Variants in GALNT3 observed in about 807,000 individuals in gnomAD.
The protein encoded by GALNT3 is GalNAc transferase 3.
Under a neutral mutation model 69.8 loss-of-function variants are expected in GALNT3, and 51 were observed. That is an observed-to-expected ratio of 0.73 (90% CI 0.58 to 0.92). The LOEUF is 0.92. Among genes scored for constraint, GALNT3 ranks in the 40% least tolerant of loss-of-function variants. The pLI is 0.00. For missense variants in GALNT3, 711 were observed against 760.0 expected (o/e 0.94, Z 0.76); for synonymous variants, 265 against 248.5 (o/e 1.07, Z -0.63).
intron 1 of GALNT3, among the ~76,000 whole-genome samples, chr2:165,772,609 AG>A (rs1688772949): frequency 1.3e-5 from 2 of 148,646 alleles, no homozygotes; most frequent in African/African-American, 4.9e-5. Flanking sequence ...AAAAAAAAAA[AG>A]GGAAAACAAT....
chr2:165,783,176 G>A (rs919578120), intron 1 of GALNT3, among the ~76,000 whole-genome samples: 1 of 152,146 alleles, frequency 6.6e-6, no homozygotes, highest in African/African-American at 2.4e-5. Flanking sequence ...CTACAAAGGA[G>A]AGCAGGCACA....
At chr2:165,766,222 GA>G in intron 2 of GALNT3, among the ~76,000 whole-genome samples, 1 of 152,262 alleles carries the variant, frequency 6.6e-6, no homozygotes, top group Non-Finnish European at 1.5e-5. Context: ...AAAATACGTA[GA>G]AATAAAGATC....
At chr2:165,773,217 G>A (rs982046840) in intron 1 of GALNT3, among the ~76,000 whole-genome samples, 1 of 152,134 alleles carries the variant, frequency 6.6e-6, no homozygotes, top group Non-Finnish European at 1.5e-5. Context: ...AATGAATCAT[G>A]GGGGTGGTTT....
At chr2:165,762,147 C>G in intron 3 of GALNT3, 93 bp from the exon 4 acceptor site, 1 of 951,582 alleles carries the variant, frequency 1.1e-6, no homozygotes, top group East Asian at 2.5e-5. Flanking sequence ...AATGATCCTT[C>G]CAAATTCATA....
At chr2:165,750,279 T>G (rs1688336013) in intron 9 of GALNT3, among the ~76,000 whole-genome samples, 1 of 152,158 alleles carries the variant, frequency 6.6e-6, no homozygotes, top group African/African-American at 2.4e-5. Flanking sequence ...TTCACTAAAC[T>G]AGGGACTTCA....
rs1159208891 is a variant in GALNT3, at chr2:165,757,126, C to T, written c.1313G>A (p.Arg438His). 7.4e-6 allele frequency: 12 copies of T among 1,613,948 alleles called. No individual in the cohort carries two copies. The highest frequency in any genetic ancestry group is 1.7e-5 in the Admixed American group (1 of 59,996). Reference protein sequence around the residue: ...GTQVIARNQVRLAEVWMDEYK... With the variant: ...GTQVIARNQVHLAEVWMDEYK... ...TTCATCCATCCAGACTTCTGCAAGG[C>T]GAACTTGGTTTCTAGCAATCACCTG... The change falls in exon 7 of 11, where the codon CGC becomes CAC. Residue 438 changes from arginine (R) to histidine (H), a missense_variant. Coordinates refer to ENST00000392701, the MANE Select transcript of GALNT3 (RefSeq NM_004482.4).
At chr2:165,788,466 G>GGGGTGTGTGT (rs1553496967) in intron 1 of GALNT3, among the ~76,000 whole-genome samples, 3 of 139,602 alleles carry the variant, frequency 2.1e-5, no homozygotes, top group African/African-American at 8.0e-5. Context: ...AATCCAAAAG[G>GGGGTGTGTGT]GTGTGTGTGT....
At chr2:165,772,754 G>T (rs1484593959) in intron 1 of GALNT3, among the ~76,000 whole-genome samples, 1 of 152,088 alleles carries the variant, frequency 6.6e-6, no homozygotes. Context: ...AACCATAAAA[G>T]CAAGAAAAGG....
chr2:165,776,766 C>T (rs1427594563), intron 1 of GALNT3, among the ~76,000 whole-genome samples: 1 of 152,090 alleles, frequency 6.6e-6, no homozygotes, highest in African/African-American at 2.4e-5. Flanking sequence ...ATGTTAAAAT[C>T]AATGGATTAT....
intron 1 of GALNT3, among the ~76,000 whole-genome samples, chr2:165,780,311 C>G (rs1026254329): frequency 2.0e-5 from 3 of 152,184 alleles, no homozygotes; most frequent in Non-Finnish European, 4.4e-5. Flanking sequence ...CTTTCAGGGT[C>G]TTTTCATTTT....
chr2:165,769,334 A>T (rs1212316469), intron 2 of GALNT3, among the ~76,000 whole-genome samples: 1 of 147,214 alleles, frequency 6.8e-6, no homozygotes, highest in East Asian at 2.0e-4. Flanking sequence ...TGAACCCAGG[A>T]GGCAGAGGTT....
intron 1 of GALNT3, chr2:165,793,805 T>TC (rs1274841649): frequency 4.6e-5 from 7 of 152,316 alleles, no homozygotes; most frequent in African/African-American, 7.3e-5. Context: ...GTGACCGGGC[T>TC]CCCCCCCGAG....
intron 1 of GALNT3, among the ~76,000 whole-genome samples, chr2:165,774,027 T>G (rs1350937849): frequency 6.6e-6 from 1 of 152,128 alleles, no homozygotes; most frequent in African/African-American, 2.4e-5. Context: ...GGCTTAGGAT[T>G]CAGGGCACTT....
rs1358434829 is a variant in GALNT3, at chr2:165,757,265, T to C, written c.1192-18A>G. The C allele has an allele frequency of 6.2e-7, 1 of 1,609,016 alleles. No individual in the cohort carries two copies. The highest frequency in any genetic ancestry group is 1.1e-5 in the South Asian group (1 of 90,932). On this transcript the variant is annotated intron_variant, in intron 6 of 10. Coordinates refer to ENST00000392701, the MANE Select transcript of GALNT3 (RefSeq NM_004482.4). ...TGCCATACCTGATAATTAATGATAT[T>C]TGTTTAAATTTACAGTATTTTAGAA...
chr2:165,755,195 C>T (rs1688425173), intron 7 of GALNT3, 132 bp from the exon 8 acceptor site: 3 of 828,476 alleles, frequency 3.6e-6, no homozygotes, highest in Non-Finnish European at 5.9e-6. Context: ...GGCAATTCAA[C>T]AGCCTTCATC....
chr2:165,781,217 C>T (rs567344318), intron 1 of GALNT3, among the ~76,000 whole-genome samples: 1 of 152,218 alleles, frequency 6.6e-6, no homozygotes, highest in Admixed American at 6.5e-5. Flanking sequence ...CTACTTTGAT[C>T]ATCATTAAAA....
In GALNT3 at chr2:165,762,009, A is replaced by G. The variant is rs766704216; in HGVS notation, c.734T>C (p.Ile245Thr). The change falls in exon 4 of 11, where the codon ATA (isoleucine) becomes ACA (threonine). Residue 245 changes from isoleucine (I) to threonine (T), a missense_variant. Ile to Thr is a moderately conservative substitution (Grantham distance 89). Coordinates refer to ENST00000392701, the MANE Select transcript of GALNT3 (RefSeq NM_004482.4). ...KLDEYVKQFSIVKIVRQRERK... is the reference protein window; with the variant it reads ...KLDEYVKQFSTVKIVRQRERK... ...TTCTCTTTGTCTGACTATTTTTACT[A>G]TAGAAAATTGTTTTACATATTCATC... 7.5e-6 allele frequency: 12 copies of G among 1,603,602 alleles called. No individual in the cohort carries two copies. The highest frequency in any genetic ancestry group is 9.4e-6 in the Non-Finnish European group (11 of 1,170,550).
intron 1 of GALNT3, among the ~76,000 whole-genome samples, chr2:165,790,667 G>C (rs936684585): frequency 6.6e-6 from 1 of 151,408 alleles, no homozygotes; most frequent in Non-Finnish European, 1.5e-5. Context: ...GAATGTAAAG[G>C]CAGGTTAAAA....
At chr2:165,789,495 G>A (rs1683297403) in intron 1 of GALNT3, among the ~76,000 whole-genome samples, 1 of 152,170 alleles carries the variant, frequency 6.6e-6, no homozygotes, top group African/African-American at 2.4e-5. Context: ...AAGAAAAAGA[G>A]TTTAAAATTA....
Sources: gnomAD v4.1 joint callset for allele counts (sites outside exome capture counted in the v4.1 genomes callset) on GRCh38, gnomAD v4.1.1 for gene constraint, MANE v1.5 for transcripts, NCBI Gene and HGNC (gene_info 2026-07-23, HGNC 2026-07-21) for gene names.